Variants in CLK1 observed in about 807,000 individuals in gnomAD.
The protein encoded by CLK1 is dual specificity protein kinase CLK1.
In CLK1, 40 loss-of-function variants were observed where a neutral mutation model predicts 60.9. The ratio of observed to expected loss-of-function variants is 0.66; its 90% CI spans 0.51 to 0.86. The LOEUF is 0.86. Among genes scored for constraint, CLK1 ranks in the 40% least tolerant of loss-of-function variants. The probability of loss-of-function intolerance (pLI) is 0.00; values close to 1 mark genes in which losing one functional copy is unlikely to be tolerated. For synonymous variants in CLK1, 203 were observed against 184.4 expected (o/e 1.10, Z -0.82); for missense variants, 563 against 606.1 (o/e 0.93, Z 0.75).
intron 4 of CLK1, 133 bp from the exon 5 acceptor site, chr2:200,859,879 C>A: frequency 6.9e-7 from 1 of 1,459,672 alleles, no homozygotes; most frequent in Non-Finnish European, 9.0e-7. Context: ...TATTGGTCAA[C>A]ACCATCAAAA....
intron 4 of CLK1, 142 bp downstream of exon 4, chr2:200,859,983 A>AT: frequency 6.9e-7 from 1 of 1,441,132 alleles, no homozygotes; most frequent in Non-Finnish European, 9.1e-7. Context: ...CAAAAATACA[A>AT]TCCCCCCCAC....
At chr2:200,856,345 C>T (rs1421936778) in intron 9 of CLK1, among the ~76,000 whole-genome samples, 1 of 151,958 alleles carries the variant, frequency 6.6e-6, no homozygotes, top group African/African-American at 2.4e-5. Context: ...GCTGGGATTA[C>T]AGATGTGAGC....
Position 200,855,192 on chromosome 2 carries a change from T to C in CLK1, c.1058-106A>G. 5 of 817,486 alleles carry C rather than the reference T, an allele frequency of 6.1e-6. No homozygotes were observed. The South Asian group carries it at 9.1e-5, about 15-fold the overall frequency. The allele number at this position is 817,486 out of a possible 1,614,324, so 50.6% of individuals were successfully genotyped here. A position where few individuals can be genotyped will look rare whatever the true frequency, so the allele number is the denominator to read the frequency against. On this transcript the variant is annotated intron_variant, in intron 9 of 12. Transcript: ENST00000321356. Reference sequence around the variant, plus strand: ...TTTAAAAAAAAAAACACATGTAATGTAGGCTGGGCACAGTGGCTCACACCT... The same window carrying C: ...TTTAAAAAAAAAAACACATGTAATGCAGGCTGGGCACAGTGGCTCACACCT...
intron 12 of CLK1, 29 bp from the exon 13 acceptor site, chr2:200,853,478 A>G: frequency 8.8e-6 from 14 of 1,591,614 alleles, no homozygotes; most frequent in East Asian, 2.2e-5. Flanking sequence ...TTCATTCAAC[A>G]GCCTTTTCCA....
rs1377709237 is a variant in CLK1 at position 200,853,309 on chromosome 2, TA to T, written c.1451del (p.Ile484AsnfsTer24). The T allele has an allele frequency of 3.1e-6, 5 of 1,609,190 alleles. No homozygotes were observed. Among genetic ancestry groups the T allele is most frequent in the Non-Finnish European group, 4.2e-6 (5 of 1,178,008 alleles). ...HPFFDLLKKS[I>X] ...AGAGAGCTGTCCAATTACAGATCTA[TA>T]TACTTTTCTTCAGAAGGTCAAAGAA... On this transcript the variant is annotated frameshift_variant, in exon 13 of 13. Transcript: ENST00000321356. LOFTEE classifies it high-confidence loss of function.
At chr2:200,853,689 A>C (rs1342573262) in intron 12 of CLK1, among the ~76,000 whole-genome samples, 1 of 148,728 alleles carries the variant, frequency 6.7e-6, no homozygotes, top group African/African-American at 2.5e-5. Context: ...GAAAAAAAAA[A>C]AAAAAAAAAA....
chr2:200,861,887 A>G lies in CLK1; in HGVS notation c.1-25T>C, dbSNP rs375798651. The G allele has an allele frequency of 1.9e-6, 3 of 1,610,076 alleles. No homozygotes were observed. In the African/African-American group the frequency reaches 4.0e-5, roughly 21 times the overall value. On this transcript the variant is annotated intron_variant, in intron 1 of 12. Transcript: ENST00000321356. ...TCTACATAAAAGGCAAGTTTTTCCT[A>G]GTTAAATTGTACCCCACACTGAGCT...
At chr2:200,863,350 G>A (rs986625896) in intron 1 of CLK1, 1 of 150,818 alleles carries the variant, frequency 6.6e-6, no homozygotes, top group Non-Finnish European at 1.5e-5. Context: ...CTTGAGCCCA[G>A]GAATTCGAGA....
intron 9 of CLK1, 94 bp downstream of exon 9, chr2:200,856,588 G>T (rs2039047937): frequency 1.0e-6 from 1 of 1,004,272 alleles, no homozygotes; most frequent in Non-Finnish European, 1.5e-6. Context: ...AAGAGAATAT[G>T]ATAAAGCCCC....
intron 9 of CLK1, among the ~76,000 whole-genome samples, chr2:200,856,198 G>A (rs2039039806): frequency 6.6e-6 from 1 of 151,802 alleles, no homozygotes; most frequent in Non-Finnish European, 1.5e-5. Context: ...AGCCTCCTGA[G>A]TAGCTGGAAC....
In CLK1 at chr2:200,857,787, T is replaced by C; in HGVS notation, c.763A>G (p.Asn255Asp). The change falls in exon 7 of 13, where the codon AAT (asparagine) becomes GAT (aspartate). Residue 255 changes from asparagine to aspartate, a missense_variant. This residue lies in a region of CLK1 where 360 missense variants were observed against 407.0 expected (regional missense o/e 0.88). Transcript: ENST00000321356. ...TCCAGTCGAAATGGTAGAAAACCAT[T>C]TTCTTTAATGAAGTCGTAAGTACTA... ...GLSTYDFIKE[N>D]GFLPFRLDHI... 2 of 1,613,522 alleles carry C rather than the reference T, an allele frequency of 1.2e-6. No individual in the cohort carries two copies. Among genetic ancestry groups the C allele is most frequent in the Non-Finnish European group, 1.7e-6 (2 of 1,179,700 alleles).
rs758695019 is a variant in CLK1, at chr2:200,861,272, A to C, written c.356T>G (p.Ile119Ser). Residue 119 changes from isoleucine to serine, a missense_variant, in exon 3 of 13, where the codon ATT (isoleucine) becomes AGT (serine). Physicochemically the swap from Ile to Ser is moderately radical, Grantham distance 142. This residue lies in a region of CLK1 where 198 missense variants were observed against 179.2 expected (regional missense o/e 1.10). Coordinates refer to ENST00000321356, the MANE Select transcript of CLK1 (RefSeq NM_004071.4). ...GRSSYKSKHR[I>S]HHSTSHRRSH... is the part of the protein sequence containing the mutation. ...ACGACGATGTGAAGTACTGTGGTGAATCCTGTGTTTGCTTTTATAACTACT... is the reference window on the plus strand; with the variant it reads ...ACGACGATGTGAAGTACTGTGGTGACTCCTGTGTTTGCTTTTATAACTACT... The C allele has an allele frequency of 1.2e-6, 2 of 1,614,024 alleles. No homozygotes were observed. The highest frequency in any genetic ancestry group is 1.7e-5 in the Admixed American group (1 of 59,986).
Position 200,854,651 on chromosome 2 carries a change from A to C in CLK1, c.1185T>G (p.Leu395=), listed in dbSNP as rs199843052. The change falls in exon 11 of 13, where the codon CTT becomes CTG. Residue 395 remains leucine (L), a synonymous_variant. Coordinates refer to ENST00000321356, the MANE Select transcript of CLK1 (RefSeq NM_004071.4). ...KEHLAMMERI[L]GPLPKHMIQK... is the part of the protein sequence containing the mutation. The stretch of plus-strand genomic sequence containing the variant: ...GTATCATATGTTTTGGTAGAGGTCC[A>C]AGAATCCTTTCCATCATTGCTAAAT... 5 of 1,609,208 alleles carry C rather than the reference A, an allele frequency of 3.1e-6. No individual in the cohort carries two copies. The African/African-American group carries it at 6.7e-5, about 21-fold the overall frequency.
Position 200,861,693 on chromosome 2 carries a change from C to T in CLK1, c.161+9G>A. 2 of 1,613,452 alleles carry T rather than the reference C, an allele frequency of 1.2e-6. No homozygotes were observed. Among genetic ancestry groups the T allele is most frequent in the Non-Finnish European group, 1.7e-6 (2 of 1,179,750 alleles). On this transcript the variant is annotated intron_variant, in intron 2 of 12. Coordinates refer to ENST00000321356, the MANE Select transcript of CLK1 (RefSeq NM_004071.4). The stretch of plus-strand genomic sequence containing the variant: ...TGTTATATTCAGACATTTTAAGTAT[C>T]CTCCTTACCTATCACACATTTTAGA...
At chr2:200,855,939 G>C (rs2039033192) in intron 9 of CLK1, among the ~76,000 whole-genome samples, 1 of 150,784 alleles carries the variant, frequency 6.6e-6, no homozygotes, top group African/African-American at 2.4e-5. Context: ...AACCCAGGAG[G>C]CAGAAGTTGC....
intron 1 of CLK1, chr2:200,864,258 G>GGCGC: frequency 1.3e-6 from 2 of 1,514,776 alleles, no homozygotes; most frequent in Non-Finnish European, 1.8e-6. Context: ...TTCACAACAT[G>GGCGC]GCGCCCGCCC....
chr2:200,863,488 T>C (rs2039176389), intron 1 of CLK1, among the ~76,000 whole-genome samples: 1 of 151,904 alleles, frequency 6.6e-6, no homozygotes, highest in South Asian at 2.1e-4. Flanking sequence ...AGCCCAGATG[T>C]CGAAGCTGCA....
chr2:200,864,413 G>A (rs1480617017), intron 1 of CLK1, 151 bp downstream of exon 1: 1 of 729,144 alleles, frequency 1.4e-6, no homozygotes, highest in Non-Finnish European at 2.1e-6. Flanking sequence ...GGGGCGCGCC[G>A]CCACTGTGCA....
At position 200,857,870 on chromosome 2, in the gene CLK1, A is replaced by C. The variant is rs752291293; in HGVS notation, c.680T>G (p.Met227Arg). The change falls in exon 7 of 13, where the codon ATG becomes AGG. Residue 227 changes from methionine to arginine, a missense_variant. Around this residue, in one of 3 missense-constraint regions of CLK1, gnomAD observed 360 missense variants for 407.0 expected, o/e 0.88. Transcript: ENST00000321356. ...DPNSTFRCVQ[M>R]LEWFEHHGHI... ...ACCATGATGCTCAAACCATTCCAAC[A>C]TCTGGACACAGCGGCTACAAACACA... 1.2e-5 allele frequency: 19 copies of C among 1,613,202 alleles called. No individual in the cohort carries two copies. In the African/African-American group the frequency reaches 2.4e-4, roughly 20 times the overall value.
Sources: gnomAD v4.1 joint callset for allele counts (sites outside exome capture counted in the v4.1 genomes callset) on GRCh38, gnomAD v4.1.1 for gene constraint, gnomAD v4.1.1 regional missense constraint, MANE v1.5 for transcripts, NCBI Gene and HGNC (gene_info 2026-07-23, HGNC 2026-07-21) for gene names.